LCP2: variants seen among roughly 807,000 people sequenced by gnomAD.
LCP2 encodes the protein 76 kDa tyrosine phosphoprotein.
Under a neutral mutation model 74.5 loss-of-function variants are expected in LCP2, and 29 were observed. That is an observed-to-expected ratio of 0.39 (90% CI 0.29 to 0.53). The LOEUF (loss-of-function observed/expected upper bound fraction) is 0.53. LCP2 is among the 20% of genes least tolerant of loss of function. The probability of loss-of-function intolerance (pLI) is 0.72; values close to 1 mark genes in which losing one functional copy is unlikely to be tolerated. For synonymous variants in LCP2, 228 were observed against 229.5 expected, an observed-to-expected ratio of 0.99 and a Z score of 0.06; for missense variants, 604 against 634.6, an observed-to-expected ratio of 0.95 and a Z score of 0.52.
rs1461990985 is a variant in LCP2, at chr5:170,266,906, G to T, written c.689-15C>A. ...AGGAGCAGGGACTGGAAGGGGAAAAGGCTGACATCAATTAAAAGAAGAAAG... is the reference window on the plus strand; with the variant it reads ...AGGAGCAGGGACTGGAAGGGGAAAATGCTGACATCAATTAAAAGAAGAAAG... On this transcript the variant is annotated splice_polypyrimidine_tract_variant and intron_variant, in intron 9 of 20. Coordinates refer to ENST00000046794, the MANE Select transcript of LCP2 (RefSeq NM_005565.5). 1 of 1,613,110 alleles carries T rather than the reference G, an allele frequency of 6.2e-7. No individual in the cohort carries two copies. Among genetic ancestry groups the T allele is most frequent in the East Asian group, 2.2e-5 (1 of 44,878 alleles).
intron 6 of LCP2, among the ~76,000 whole-genome samples, chr5:170,271,342 A>T (rs968916647): frequency 6.6e-6 from 1 of 152,150 alleles, no homozygotes; most frequent in Non-Finnish European, 1.5e-5. Context: ...CCTGTGCTCA[A>T]AAAATGTCCT....
At chr5:170,249,833 C>G (rs1187384419) in intron 20 of LCP2, among the ~76,000 whole-genome samples, 1 of 152,214 alleles carries the variant, frequency 6.6e-6, no homozygotes, top group Non-Finnish European at 1.5e-5. Context: ...GACTAATCTG[C>G]TAGGTGCCTC....
Position 170,247,871 on chromosome 5 carries a change from G to A in LCP2, c.*826C>T, listed in dbSNP as rs1761334632. On this transcript the variant is annotated 3_prime_UTR_variant, in exon 21 of 21. Coordinates refer to ENST00000046794, the MANE Select transcript of LCP2 (RefSeq NM_005565.5). ...TTTGGGGTTGGGAGAAGGTTGGTGG[G>A]GGGCTGTGATGGTTGGTGTGGGTGT... 1 of 152,328 alleles carries A rather than the reference G, an allele frequency of 6.6e-6. No homozygotes were observed. Among genetic ancestry groups the A allele is most frequent in the African/African-American group, 2.4e-5 (1 of 41,426 alleles). 9.4% of individuals were successfully genotyped at this position (152,328 alleles called of 1,614,324 possible).
intron 4 of LCP2, 43 bp from the exon 5 acceptor site, chr5:170,275,394 A>C (rs1376680494): frequency 1.4e-5 from 23 of 1,609,340 alleles, no homozygotes; most frequent in Non-Finnish European, 2.0e-5. Flanking sequence ...TTCTCGATTT[A>C]AGGGGATCTC....
intron 10 of LCP2, 64 bp from the exon 11 acceptor site, chr5:170,263,056 C>T (rs1181767490): frequency 2.0e-5 from 31 of 1,575,524 alleles, no homozygotes; most frequent in Non-Finnish European, 2.7e-5. Flanking sequence ...GGTTTAAAAA[C>T]ACAGTTTGAT....
chr5:170,248,891 A>G (rs950888876), intron 20 of LCP2, 72 bp from the exon 21 acceptor site: 1 of 1,467,298 alleles, frequency 6.8e-7, no homozygotes, highest in Non-Finnish European at 9.5e-7. Flanking sequence ...CAGTTTTTTT[A>G]TCTGCATAAT....
rs922199923 is a variant in LCP2 at position 170,256,848 on chromosome 5, T to G, written c.1101-273A>C. ...GTGTAAAGGGCACTTAACAGTTACT[T>G]TAAAAATTGGCTGCAACTTGAGCTC... On this transcript the variant is annotated intron_variant, in intron 16 of 20. Transcript: ENST00000046794. This position sits in a 1 kb window ranked among gnomAD's most constrained non-coding sequence, Gnocchi z 4.5. 1.3e-5 allele frequency among the ~76,000 whole-genome samples: 2 copies of G among 152,188 alleles called. No individual in the cohort carries two copies. The highest frequency in any genetic ancestry group is 6.5e-5 in the Admixed American group (1 of 15,284).
chr5:170,296,742 C>A (rs527970919), intron 1 of LCP2, among the ~76,000 whole-genome samples: 1 of 152,202 alleles, frequency 6.6e-6, no homozygotes, highest in Non-Finnish European at 1.5e-5. Flanking sequence ...GATCCTTCAA[C>A]CTTTCCTCTA....
chr5:170,261,229 G>T, intron 13 of LCP2, 92 bp from the exon 14 acceptor site: 1 of 949,650 alleles, frequency 1.1e-6, no homozygotes, highest in Non-Finnish European at 1.7e-6. Context: ...TGAATAATGA[G>T]AAATCGAACC....
intron 1 of LCP2, among the ~76,000 whole-genome samples, chr5:170,294,620 A>C (rs970960878): frequency 3.9e-5 from 6 of 152,230 alleles, no homozygotes; most frequent in Admixed American, 1.3e-4. Context: ...AGCAAATCCA[A>C]AGAATAAATA....
intron 17 of LCP2, among the ~76,000 whole-genome samples, chr5:170,254,757 A>C (rs981056676): frequency 6.6e-6 from 1 of 152,212 alleles, no homozygotes; most frequent in African/African-American, 2.4e-5. Flanking sequence ...AGCATCATAG[A>C]GTTCTAAGTT....
At chr5:170,290,998 AAGAGAGAAAGAAAGAG>A (rs1561979151) in intron 2 of LCP2, among the ~76,000 whole-genome samples, 47 of 84,974 alleles carry the variant, frequency 5.5e-4, no homozygotes, top group African/African-American at 2.1e-3. Flanking sequence ...GAAAGAAAGA[AAGAGAGAAAGAAAGAG>A]AGAAAGAAAG....
chr5:170,287,571 C>A (rs963262764), intron 3 of LCP2: 2 of 238,814 alleles, frequency 8.4e-6, no homozygotes, highest in African/African-American at 2.2e-5. Flanking sequence ...CCATTGCTGT[C>A]ATCTGCTTTG....
chr5:170,277,743 CA>C lies in LCP2; in HGVS notation c.189-1884del, dbSNP rs371915364. On this transcript the variant is annotated intron_variant, in intron 3 of 20. Transcript: ENST00000046794. ...TGGGGACAGGAGCAAAACTTCGTCT[CA>C]AAAAAAAAAAAAAAAAAAAGAAAGA... Among the ~76,000 whole-genome samples, 342 of 117,682 alleles carry C rather than the reference CA, an allele frequency of 2.9e-3. 2 individuals carry two copies. The highest frequency in any genetic ancestry group is 0.014 in the South Asian group (49 of 3,484). The allele number at this position is 117,682 out of a possible 152,430, so 77.2% of individuals were successfully genotyped here. A position where few individuals can be genotyped will look rare whatever the true frequency, so the allele number is the denominator to read the frequency against.
intron 13 of LCP2, 29 bp downstream of exon 13, chr5:170,262,606 G>A: frequency 4.5e-6 from 7 of 1,548,312 alleles, no homozygotes; most frequent in Non-Finnish European, 6.2e-6. Context: ...CACTGTGAGT[G>A]ACAAGCTCAA....
At chr5:170,266,016 T>G (rs1761748402) in intron 10 of LCP2, among the ~76,000 whole-genome samples, 1 of 152,182 alleles carries the variant, frequency 6.6e-6, no homozygotes, top group South Asian at 2.1e-4. Context: ...GACCCTTAAT[T>G]TTATCATCTG....
chr5:170,281,502 G>T (rs188597338), intron 3 of LCP2, among the ~76,000 whole-genome samples: 2 of 152,158 alleles, frequency 1.3e-5, no homozygotes, highest in Non-Finnish European at 1.5e-5. Flanking sequence ...GGATGGTCTC[G>T]ATCTCCTGAC....
At chr5:170,278,343 AGGGGGGGGCTGGGGG>A (rs1762041903) in intron 3 of LCP2, among the ~76,000 whole-genome samples, 1 of 43,204 alleles carries the variant, frequency 2.3e-5, no homozygotes. Flanking sequence ...ATGGGAGTGC[AGGGGGGGGCTGGGGG>A]GGATGGGAGT....
At chr5:170,296,266 C>A (rs1269138662) in intron 1 of LCP2, among the ~76,000 whole-genome samples, 31 of 152,056 alleles carry the variant, frequency 2.0e-4, no homozygotes, top group Admixed American at 2.0e-3. Context: ...TATGACCTTG[C>A]AGAAGGAAAA....
Sources: gnomAD v4.1 joint callset for allele counts (sites outside exome capture counted in the v4.1 genomes callset) on GRCh38, gnomAD v4.1.1 for gene constraint, Gnocchi (gnomAD v3.1) non-coding constraint, MANE v1.5 for transcripts, NCBI Gene and HGNC (gene_info 2026-07-23, HGNC 2026-07-21) for gene names.